CACNA2D3: variants seen among roughly 807,000 people sequenced by gnomAD.
The protein encoded by CACNA2D3 is calcium voltage-gated channel auxiliary subunit alpha2delta 3.
A neutral mutation model predicts 160.6 loss-of-function variants in CACNA2D3; 60 were observed. That is an observed-to-expected ratio of 0.37 (90% confidence interval 0.30 to 0.46). The LOEUF (loss-of-function observed/expected upper bound fraction) is 0.46. CACNA2D3 is among the 20% of genes least tolerant of loss of function. The pLI, the probability that CACNA2D3 is intolerant of heterozygous loss-of-function variation, is 1.00. For synonymous variants in CACNA2D3, 558 were observed against 492.9 expected (o/e 1.13, Z -1.75); for missense variants, 1,205 against 1,365.0 (o/e 0.88, Z 1.85).
intron 4 of CACNA2D3, among the ~76,000 whole-genome samples, chr3:54,387,379 T>C (rs1238072258): frequency 6.6e-6 from 1 of 152,152 alleles, no homozygotes; most frequent in Non-Finnish European, 1.5e-5. Flanking sequence ...CAGCTGGGTG[T>C]GGTGGCTCAT....
intron 2 of CACNA2D3, among the ~76,000 whole-genome samples, chr3:54,152,737 G>A (rs918535455): frequency 1.3e-5 from 2 of 152,220 alleles, no homozygotes; most frequent in Non-Finnish European, 2.9e-5. Context: ...GACATTTATA[G>A]ATATTTTAAA....
intron 2 of CACNA2D3, among the ~76,000 whole-genome samples, chr3:54,316,198 T>C (rs756646295): frequency 9.2e-5 from 14 of 152,174 alleles, no homozygotes; most frequent in Non-Finnish European, 1.9e-4. Context: ...GGGATGGCTA[T>C]GTGAAATTCT....
At chr3:54,703,148 A>G (rs1294169527) in intron 11 of CACNA2D3, among the ~76,000 whole-genome samples, 1 of 152,164 alleles carries the variant, frequency 6.6e-6, no homozygotes, top group East Asian at 1.9e-4. Context: ...TACTTGGGTA[A>G]TGAAATAATT....
chr3:54,470,761 A>G (rs1409489216), intron 4 of CACNA2D3, among the ~76,000 whole-genome samples: 2 of 152,220 alleles, frequency 1.3e-5, no homozygotes, highest in Admixed American at 1.3e-4. Context: ...AGAGGTTGCA[A>G]TCCTAGTCTC....
intron 4 of CACNA2D3, among the ~76,000 whole-genome samples, chr3:54,465,055 CT>C (rs1185366462): frequency 4.7e-5 from 7 of 149,754 alleles, no homozygotes; most frequent in Admixed American, 6.7e-5. Flanking sequence ...TTTTCTTCTC[CT>C]TTTTTTTTGG....
chr3:55,073,976 C>G, intron 37 of CACNA2D3, 117 bp downstream of exon 37: 1 of 1,089,590 alleles, frequency 9.2e-7, no homozygotes, highest in Non-Finnish European at 1.4e-6. Context: ...CCCTTTCATT[C>G]AGTAAACTGA....
intron 9 of CACNA2D3, among the ~76,000 whole-genome samples, chr3:54,624,418 C>G (rs544391501): frequency 2.6e-4 from 39 of 152,170 alleles, no homozygotes; most frequent in African/African-American, 9.2e-4. Flanking sequence ...GTCAGGAGAT[C>G]GAGACCATCC....
chr3:54,540,214 C>T (rs1214599995), intron 5 of CACNA2D3, among the ~76,000 whole-genome samples: 1 of 152,132 alleles, frequency 6.6e-6, no homozygotes. Flanking sequence ...TGATTTCCTG[C>T]AAGAACTTCC....
chr3:54,813,863 CTTTT>C (rs10699574), intron 13 of CACNA2D3, among the ~76,000 whole-genome samples: 5 of 121,582 alleles, frequency 4.1e-5, no homozygotes, highest in Admixed American at 1.7e-4. Flanking sequence ...TTATAATATT[CTTTT>C]TTTTTTTTTT....
intron 4 of CACNA2D3, among the ~76,000 whole-genome samples, chr3:54,400,858 T>C (rs1382970477): frequency 3.3e-5 from 5 of 152,096 alleles, no homozygotes; most frequent in Non-Finnish European, 7.4e-5. Flanking sequence ...AAACAGGACA[T>C]TGCCAAAGTA....
intron 2 of CACNA2D3, among the ~76,000 whole-genome samples, chr3:54,176,496 A>G (rs1394281150): frequency 6.6e-6 from 1 of 152,190 alleles, no homozygotes; most frequent in African/African-American, 2.4e-5. Flanking sequence ...GCATTTTATA[A>G]TGTTTTAATT....
chr3:54,903,442 T>G (rs1202820812), intron 27 of CACNA2D3, among the ~76,000 whole-genome samples: 1 of 152,250 alleles, frequency 6.6e-6, no homozygotes, highest in East Asian at 1.9e-4. Flanking sequence ...CACATTTTCT[T>G]TATCCAGTCT....
At chr3:54,260,423 A>G (rs976916940) in intron 2 of CACNA2D3, among the ~76,000 whole-genome samples, 1 of 152,202 alleles carries the variant, frequency 6.6e-6, no homozygotes, top group Non-Finnish European at 1.5e-5. Flanking sequence ...CTGTGTCATA[A>G]CATGGCAGAA....
At position 54,646,186 on chromosome 3, in the gene CACNA2D3, C is replaced by CCCTCCCTCCTTG. The variant is rs1559537958; in HGVS notation, c.1167+3946_1167+3947insCTCCCTCCTTGC. Among the ~76,000 whole-genome samples the CCCTCCCTCCTTG allele has an allele frequency of 3.1e-4, 2 of 6,474 alleles. 1 individual carries two copies. Among genetic ancestry groups the CCCTCCCTCCTTG allele is most frequent in the African/African-American group, 7.9e-4 (2 of 2,526 alleles). 4.2% of individuals were successfully genotyped at this position (6,474 alleles called of 152,430 possible). ...TCCCTCCCTCCCTCCCTCCCTCCCT[C>CCCTCCCTCCTTG]CTTCCTTGCTTCCTTCCTTCCTTCC... On this transcript the variant is annotated intron_variant, in intron 11 of 37. Transcript: ENST00000474759.
chr3:54,353,293 C>T (rs1044521535), intron 3 of CACNA2D3, among the ~76,000 whole-genome samples: 4 of 152,092 alleles, frequency 2.6e-5, no homozygotes, highest in Non-Finnish European at 5.9e-5. Flanking sequence ...GAGATGGAAA[C>T]GTGAAATCCT....
intron 2 of CACNA2D3, among the ~76,000 whole-genome samples, chr3:54,125,204 G>A (rs1699564951): frequency 6.7e-6 from 1 of 149,756 alleles, no homozygotes; most frequent in East Asian, 2.0e-4. Context: ...CATTTTCTAG[G>A]AACACATTAA....
chr3:54,147,994 A>G (rs1256935002), intron 2 of CACNA2D3, among the ~76,000 whole-genome samples: 5 of 152,076 alleles, frequency 3.3e-5, no homozygotes, highest in African/African-American at 4.8e-5. Context: ...TTTAGTAGAG[A>G]CAGGGTTTCA....
intron 35 of CACNA2D3, among the ~76,000 whole-genome samples, chr3:55,068,895 G>A (rs1002276839): frequency 1.3e-5 from 2 of 152,162 alleles, no homozygotes; most frequent in Non-Finnish European, 1.5e-5. Flanking sequence ...GAAATAGGGT[G>A]TAAAAGATTT....
intron 2 of CACNA2D3, among the ~76,000 whole-genome samples, chr3:54,292,532 C>T (rs1703234956): frequency 1.3e-5 from 2 of 152,190 alleles, no homozygotes; most frequent in Non-Finnish European, 2.9e-5. Context: ...AAACATATAT[C>T]TTCAAAGAAG....
Sources: allele counts gnomAD v4.1 joint callset (sites outside exome capture counted in the v4.1 genomes callset), GRCh38; gene constraint gnomAD v4.1.1; transcripts MANE v1.5; gene names NCBI Gene and HGNC (gene_info 2026-07-23, HGNC 2026-07-21).